PACSIN2: variants seen among roughly 807,000 people sequenced by gnomAD.
The protein encoded by PACSIN2 is protein kinase C and casein kinase substrate in neurons protein 2.
Under a neutral mutation model 63.8 loss-of-function variants are expected in PACSIN2, and 25 were observed. The ratio of observed to expected loss-of-function variants is 0.39; its 90% CI spans 0.29 to 0.55. PACSIN2 has a LOEUF of 0.55. Among genes scored for constraint, PACSIN2 ranks in the 20% least tolerant of loss-of-function variants. The probability of loss-of-function intolerance (pLI) is 0.62; values close to 1 mark genes in which losing one functional copy is unlikely to be tolerated. For missense variants in PACSIN2, 518 were observed against 646.9 expected (o/e 0.80, Z 2.16); for synonymous variants, 255 against 256.2 (o/e 1.00, Z 0.05).
chr22:42,963,682 G>A (rs1213512614), intron 1 of PACSIN2, among the ~76,000 whole-genome samples: 1 of 152,140 alleles, frequency 6.6e-6, no homozygotes, highest in African/African-American at 2.4e-5. Context: ...ATCTGCCCAA[G>A]GTCACCCAGC....
chr22:42,870,069 ACT>A lies in PACSIN2; in HGVS notation c.*1286_*1287del, dbSNP rs1041542685. The A allele has an allele frequency of 1.4e-4, 21 of 151,812 alleles. No individual in the cohort carries two copies. Among genetic ancestry groups the A allele is most frequent in the African/African-American group, 4.6e-4 (19 of 41,314 alleles). 9.4% of individuals were successfully genotyped at this position (151,812 alleles called of 1,614,324 possible). ...CGCCGGCCCGCGTGGCCCCCGCGTA[ACT>A]CTGGCTGCAGCACCTGCTCCCGGGC... On this transcript the variant is annotated 3_prime_UTR_variant, in exon 11 of 11. Transcript: ENST00000263246.
At chr22:42,916,176 C>T (rs1209727904) in intron 1 of PACSIN2, among the ~76,000 whole-genome samples, 4 of 152,184 alleles carry the variant, frequency 2.6e-5, no homozygotes, top group Non-Finnish European at 5.9e-5. Context: ...ACCCCCAGGT[C>T]ACAGGCCGTG....
At chr22:42,946,508 C>A (rs1456350727) in intron 1 of PACSIN2, among the ~76,000 whole-genome samples, 3 of 152,178 alleles carry the variant, frequency 2.0e-5, no homozygotes, top group Non-Finnish European at 4.4e-5. Flanking sequence ...TGAGATCGCA[C>A]CACTGCACTC....
chr22:42,918,839 T>C (rs1450083089), intron 1 of PACSIN2, among the ~76,000 whole-genome samples: 1 of 152,216 alleles, frequency 6.6e-6, no homozygotes, highest in African/African-American at 2.4e-5. Context: ...TATAATTTTT[T>C]TTTGACACAC....
In PACSIN2 at chr22:42,945,542, G is replaced by A. The variant is rs528675559; in HGVS notation, c.-77-33385C>T. Among the ~76,000 whole-genome samples the A allele has an allele frequency of 1.2e-4, 18 of 152,112 alleles. No individual in the cohort carries two copies. In the South Asian group the frequency reaches 3.7e-3, roughly 32 times the overall value. Reference sequence around the variant, plus strand: ...CCCTATGAGCCCACTCCTGTTCCTGGGTTTTCTACGTCAGAAATGGTCCCA... The same window carrying A: ...CCCTATGAGCCCACTCCTGTTCCTGAGTTTTCTACGTCAGAAATGGTCCCA... On this transcript the variant is annotated intron_variant, in intron 1 of 10. Coordinates refer to ENST00000263246, the MANE Select transcript of PACSIN2 (RefSeq NM_001184970.3).
At chr22:43,006,793 C>A (rs1212084754) in intron 1 of PACSIN2, among the ~76,000 whole-genome samples, 1 of 151,970 alleles carries the variant, frequency 6.6e-6, no homozygotes, top group Non-Finnish European at 1.5e-5. Flanking sequence ...CCAGCCTGGG[C>A]GACAAGAGCA....
chr22:42,916,714 G>A (rs1272246702), intron 1 of PACSIN2, among the ~76,000 whole-genome samples: 1 of 152,008 alleles, frequency 6.6e-6, no homozygotes, highest in Non-Finnish European at 1.5e-5. Context: ...GACTTCAAAC[G>A]GCATCCATGT....
At chr22:42,958,652 T>C (rs1363462830) in intron 1 of PACSIN2, among the ~76,000 whole-genome samples, 4 of 152,188 alleles carry the variant, frequency 2.6e-5, no homozygotes, top group African/African-American at 4.8e-5. Flanking sequence ...AGACATACTA[T>C]ATACCTTGGG....
Position 42,944,317 on chromosome 22 carries a change from C to T in PACSIN2, c.-77-32160G>A, listed in dbSNP as rs564510570. ...GGGTTTGCTTGTTACTGCAATGTAA[C>T]CTAGCTAAATATAATACAACAAATT... On this transcript the variant is annotated intron_variant, in intron 1 of 10. Transcript: ENST00000263246. Among the ~76,000 whole-genome samples the T allele has an allele frequency of 4.6e-5, 7 of 152,140 alleles. 1 individual carries two copies. Among genetic ancestry groups the T allele is most frequent in the African/African-American group, 1.2e-4 (5 of 41,486 alleles).
Position 42,891,127 on chromosome 22 carries a change from C to G in PACSIN2, c.273G>C (p.Glu91Asp), listed in dbSNP as rs1929877950. 6.2e-7 allele frequency: 1 copy of G among 1,614,150 alleles called. No individual in the cohort carries two copies. Among genetic ancestry groups the G allele is most frequent in the East Asian group, 2.2e-5 (1 of 44,878 alleles). The change falls in exon 4 of 11, where the codon GAG (glutamate) becomes GAC (aspartate). Residue 91 changes from glutamate (E) to aspartate (D), a missense_variant. Coordinates refer to ENST00000263246, the MANE Select transcript of PACSIN2 (RefSeq NM_001184970.3). ...KAWMAFMSEA[E>D]RVSELHLEVK... ...CCTCGAGGTGCAGCTCGCTCACCCTCTCTGCCTCGGACATGAAGGCCATCC... is the reference window on the plus strand; with the variant it reads ...CCTCGAGGTGCAGCTCGCTCACCCTGTCTGCCTCGGACATGAAGGCCATCC...
chr22:42,986,764 C>G (rs1050980997), intron 1 of PACSIN2, among the ~76,000 whole-genome samples: 1 of 152,000 alleles, frequency 6.6e-6, no homozygotes, highest in Non-Finnish European at 1.5e-5. Context: ...GTGCAAAGAC[C>G]CTAAGAAGGG....
At chr22:42,962,467 A>G (rs1025979369) in intron 1 of PACSIN2, among the ~76,000 whole-genome samples, 15 of 152,078 alleles carry the variant, frequency 9.9e-5, no homozygotes, top group South Asian at 2.1e-4. Flanking sequence ...CTGCCCCTCC[A>G]ACTTGACTTC....
chr22:42,927,150 C>T (rs1280140270), intron 1 of PACSIN2, among the ~76,000 whole-genome samples: 3 of 152,238 alleles, frequency 2.0e-5, no homozygotes, highest in Non-Finnish European at 4.4e-5. Context: ...CATCTATGGA[C>T]TGACTTCACT....
chr22:42,887,505 C>T (rs1929579017), intron 5 of PACSIN2, among the ~76,000 whole-genome samples: 1 of 152,196 alleles, frequency 6.6e-6, no homozygotes, highest in East Asian at 1.9e-4. Flanking sequence ...TGCCCATGTC[C>T]TCTTCCTGGA....
chr22:42,947,899 C>G (rs1329120244), intron 1 of PACSIN2, among the ~76,000 whole-genome samples: 1 of 152,214 alleles, frequency 6.6e-6, no homozygotes, highest in Admixed American at 6.5e-5. Flanking sequence ...CAGCCCAGCT[C>G]CTGAGCCCGT....
intron 1 of PACSIN2, among the ~76,000 whole-genome samples, chr22:42,914,125 C>T (rs950453427): frequency 1.3e-5 from 2 of 152,264 alleles, no homozygotes; most frequent in East Asian, 3.9e-4. Flanking sequence ...GGTTCTCCCA[C>T]ACTGGTTAGG....
chr22:43,014,313 C>G (rs1221359324), intron 1 of PACSIN2, among the ~76,000 whole-genome samples: 3 of 97,046 alleles, frequency 3.1e-5, no homozygotes, highest in Non-Finnish European at 4.2e-5. Flanking sequence ...GCTTTGCTCC[C>G]CCCGCCCTAC....
At chr22:42,955,377 G>A (rs1203707193) in intron 1 of PACSIN2, among the ~76,000 whole-genome samples, 1 of 152,098 alleles carries the variant, frequency 6.6e-6, no homozygotes, top group East Asian at 1.9e-4. Flanking sequence ...GTCCCTCCAG[G>A]CAGTGATCTA....
chr22:42,876,418 AGCCTTGGGGCTCAGG>A, intron 9 of PACSIN2, 85 bp from the exon 10 acceptor site: 1 of 1,198,496 alleles, frequency 8.3e-7, no homozygotes, highest in Non-Finnish European at 1.2e-6. Context: ...AGGGCACTGG[AGCCTTGGGGCTCAGG>A]GCTGAGGGCT....
Sources: gnomAD v4.1 joint callset for allele counts (sites outside exome capture counted in the v4.1 genomes callset) on GRCh38, gnomAD v4.1.1 for gene constraint, MANE v1.5 for transcripts, NCBI Gene and HGNC (gene_info 2026-07-23, HGNC 2026-07-21) for gene names.